Variants in NDUFV2 observed in about 807,000 individuals in gnomAD.
The protein encoded by NDUFV2 is NADH:ubiquinone oxidoreductase core subunit V2.
Under a neutral mutation model 31.6 loss-of-function variants are expected in NDUFV2, and 18 were observed. The ratio of observed to expected loss-of-function variants is 0.57; its 90% CI spans 0.39 to 0.84. NDUFV2 has a LOEUF of 0.84. NDUFV2 is among the 40% of genes least tolerant of loss of function. NDUFV2 has a pLI of 0.00. For missense variants in NDUFV2, 314 were observed against 303.6 expected (o/e 1.03, Z -0.26); for synonymous variants, 83 against 99.8 (o/e 0.83, Z 1.01).
intron 1 of NDUFV2, chr18:9,104,126 G>C: frequency 2.5e-6 from 4 of 1,611,586 alleles, no homozygotes; most frequent in Non-Finnish European, 3.4e-6. Context: ...AACAGATTGG[G>C]CATGGGGTCC....
chr18:9,109,147 G>A (rs1427952080), intron 1 of NDUFV2, among the ~76,000 whole-genome samples: 2 of 152,198 alleles, frequency 1.3e-5, no homozygotes, highest in Non-Finnish European at 2.9e-5. Flanking sequence ...AGGAAGGCAC[G>A]GAGGGACCTC....
intron 1 of NDUFV2, chr18:9,103,264 G>T (rs1469141209): frequency 5.0e-6 from 2 of 397,428 alleles, no homozygotes; most frequent in African/African-American, 4.1e-5. Flanking sequence ...GGAAAAGGGT[G>T]GCCAATGTTT....
At chr18:9,124,183 G>GTTT (rs58787138) in intron 5 of NDUFV2, among the ~76,000 whole-genome samples, 1 of 144,472 alleles carries the variant, frequency 6.9e-6, no homozygotes. Flanking sequence ...ATTACATAGA[G>GTTT]TTTTTTTTTT....
intron 6 of NDUFV2, 74 bp from the exon 7 acceptor site, chr18:9,126,757 A>G: frequency 7.5e-7 from 1 of 1,337,946 alleles, no homozygotes; most frequent in Non-Finnish European, 1.1e-6. Context: ...CAACATAGTG[A>G]GACCTTGTCT....
At chr18:9,125,035 C>T in intron 6 of NDUFV2, 52 bp downstream of exon 6, 2 of 1,534,702 alleles carry the variant, frequency 1.3e-6, no homozygotes, top group Non-Finnish European at 1.8e-6. Context: ...ATATTTAAAA[C>T]ATTTTAAATA....
chr18:9,103,979 C>T, intron 1 of NDUFV2: 1 of 575,870 alleles, frequency 1.7e-6, no homozygotes. Flanking sequence ...TAGACAGTTC[C>T]CGTTCTTTTG....
At chr18:9,129,200 C>A (rs2078019027) in intron 7 of NDUFV2, among the ~76,000 whole-genome samples, 1 of 152,174 alleles carries the variant, frequency 6.6e-6, no homozygotes, top group African/African-American at 2.4e-5. Context: ...CTTGGCCTCC[C>A]AAAGTGCTGG....
At chr18:9,108,469 T>A (rs1265926595) in intron 1 of NDUFV2, among the ~76,000 whole-genome samples, 1 of 152,204 alleles carries the variant, frequency 6.6e-6, no homozygotes, top group Non-Finnish European at 1.5e-5. Context: ...TCTTTGAGCC[T>A]TAATTTTCTC....
At chr18:9,107,703 A>G (rs1411643323) in intron 1 of NDUFV2, among the ~76,000 whole-genome samples, 1 of 152,254 alleles carries the variant, frequency 6.6e-6, no homozygotes, top group Non-Finnish European at 1.5e-5. Flanking sequence ...GCTAAGGGAA[A>G]TCACTATGTA....
intron 1 of NDUFV2, among the ~76,000 whole-genome samples, chr18:9,105,417 C>T (rs76357007): frequency 6.6e-6 from 1 of 152,260 alleles, no homozygotes; most frequent in African/African-American, 2.4e-5. Context: ...GATAATACCT[C>T]ATAGGTGATT....
chr18:9,129,857 A>T (rs2078024573), intron 7 of NDUFV2, among the ~76,000 whole-genome samples: 1 of 152,200 alleles, frequency 6.6e-6, no homozygotes, highest in Non-Finnish European at 1.5e-5. Context: ...TCAGTAGGGA[A>T]TGGAATGAGC....
chr18:9,126,834 G>C lies in NDUFV2; in HGVS notation c.583G>C (p.Asp195His), dbSNP rs777537998. 2 of 1,612,510 alleles carry C rather than the reference G, an allele frequency of 1.2e-6. No homozygotes were observed. Among genetic ancestry groups the C allele is most frequent in the Admixed American group, 3.3e-5 (2 of 59,998 alleles). Reference sequence around the variant, plus strand: ...CTATTGTTAATTTTTTTTCCAGGAGGATTTGACAGCTAAGGATATTGAAGA... The same window carrying C: ...CTATTGTTAATTTTTTTTCCAGGAGCATTTGACAGCTAAGGATATTGAAGA... ...MVQINDNYYE[D>H]LTAKDIEEII... Residue 195 changes from aspartate to histidine, a missense_variant, in exon 7 of 8, where the codon GAT becomes CAT. Transcript: ENST00000318388.
At chr18:9,131,613 C>A (rs749320798) in intron 7 of NDUFV2, among the ~76,000 whole-genome samples, 2 of 152,102 alleles carry the variant, frequency 1.3e-5, no homozygotes, top group Admixed American at 1.3e-4. Context: ...CTGGATATAT[C>A]TCAGCAATAG....
chr18:9,133,048 A>C (rs139327248), intron 7 of NDUFV2, among the ~76,000 whole-genome samples: 2 of 152,274 alleles, frequency 1.3e-5, no homozygotes, highest in South Asian at 2.1e-4. Context: ...ATATTAACTA[A>C]GTTCTGACTT....
In NDUFV2 at chr18:9,127,487, G is replaced by A. The variant is rs867374791; in HGVS notation, c.656+580G>A. 2.0e-5 allele frequency among the ~76,000 whole-genome samples: 3 copies of A among 152,114 alleles called. 1 individual carries two copies. In the South Asian group the frequency reaches 6.2e-4, roughly 32 times the overall value. On this transcript the variant is annotated intron_variant, in intron 7 of 7. Transcript: ENST00000318388. Reference sequence around the variant, plus strand: ...TTTTTATTTATTTATATTTTGAGACGGAGTCTCACTCCGTCACCCAGTCTG... The same window carrying A: ...TTTTTATTTATTTATATTTTGAGACAGAGTCTCACTCCGTCACCCAGTCTG...
At chr18:9,124,364 C>A (rs59983698) in intron 5 of NDUFV2, among the ~76,000 whole-genome samples, 9,703 of 151,736 alleles carry the variant, frequency 0.064, 337 homozygotes, top group Non-Finnish European at 0.079. Context: ...CTCAAGCCAT[C>A]CTCGCACCAC....
chr18:9,116,022 T>C (rs538907547), intron 1 of NDUFV2: 1 of 152,352 alleles, frequency 6.6e-6, no homozygotes, highest in Non-Finnish European at 1.5e-5. Context: ...TAACTAGTAA[T>C]GTTATTTTAA....
intron 1 of NDUFV2, among the ~76,000 whole-genome samples, chr18:9,107,716 G>T (rs2077848882): frequency 6.6e-6 from 1 of 152,212 alleles, no homozygotes. Context: ...ACTATGTATG[G>T]TGAAGATTTA....
chr18:9,129,125 G>T (rs527326220), intron 7 of NDUFV2, among the ~76,000 whole-genome samples: 1 of 152,270 alleles, frequency 6.6e-6, no homozygotes, highest in South Asian at 2.1e-4. Context: ...ATTTTTAGTA[G>T]AGACGGGGTT....
Sources: gnomAD v4.1 joint callset for allele counts (sites outside exome capture counted in the v4.1 genomes callset) on GRCh38, gnomAD v4.1.1 for gene constraint, MANE v1.5 for transcripts, NCBI Gene and HGNC (gene_info 2026-07-23, HGNC 2026-07-21) for gene names.